The following ADGRD1 variants were observed in gnomAD, a reference collection of about 807,000 sequenced individuals.
ADGRD1 encodes G-protein coupled receptor 133.
Under a neutral mutation model 113.4 loss-of-function variants are expected in ADGRD1, and 77 were observed. The ratio of observed to expected loss-of-function variants is 0.68; its 90% CI spans 0.57 to 0.82. The LOEUF (loss-of-function observed/expected upper bound fraction) is 0.82, where lower values mean the gene tolerates loss of function less well. ADGRD1 is among the 40% of genes least tolerant of loss of function. ADGRD1 has a pLI of 0.00. For synonymous variants in ADGRD1, 474 were observed against 475.0 expected (o/e 1.00, Z 0.03); for missense variants, 1,036 against 1,139.1 (o/e 0.91, Z 1.30).
At chr12:130,999,322 G>A (rs530739390) in intron 8 of ADGRD1, among the ~76,000 whole-genome samples, 2 of 152,380 alleles carry the variant, frequency 1.3e-5, no homozygotes, top group South Asian at 4.1e-4. Flanking sequence ...CATGAGGCCT[G>A]ACCTCGTTCC....
chr12:131,015,395 CATGGGA>C (rs1259275104), intron 13 of ADGRD1, among the ~76,000 whole-genome samples: 2 of 144,332 alleles, frequency 1.4e-5, no homozygotes, highest in Non-Finnish European at 3.0e-5. Flanking sequence ...TTGAGATGGA[CATGGGA>C]ATGGAGATGG....
At chr12:130,974,210 C>A (rs1347316674) in intron 4 of ADGRD1, among the ~76,000 whole-genome samples, 1 of 152,110 alleles carries the variant, frequency 6.6e-6, no homozygotes, top group Non-Finnish European at 1.5e-5. Flanking sequence ...GAAAACAAGC[C>A]GTGAACAGGG....
chr12:131,071,461 T>C (rs1258313823), intron 13 of ADGRD1, among the ~76,000 whole-genome samples: 1 of 151,554 alleles, frequency 6.6e-6, no homozygotes, highest in African/African-American at 2.4e-5. Flanking sequence ...GTCATGTGAG[T>C]GGGAAGGGTA....
At chr12:131,086,427 C>T (rs1327709688) in intron 15 of ADGRD1, among the ~76,000 whole-genome samples, 3 of 152,200 alleles carry the variant, frequency 2.0e-5, no homozygotes, top group Non-Finnish European at 2.9e-5. Context: ...GACACAGTCA[C>T]GGATCCAGCG....
Position 131,050,812 on chromosome 12 carries a change from C to G in ADGRD1, c.1474-25989C>G, listed in dbSNP as rs996978576. ...CTCAGATCATCAGGCACTAGACTCT[C>G]ATGAGGAGCTTGAAACCTAGATACC... On this transcript the variant is annotated intron_variant, in intron 13 of 24. Coordinates refer to ENST00000261654, the MANE Select transcript of ADGRD1 (RefSeq NM_198827.5). The surrounding 1 kb of genome is among the most constrained non-coding windows in gnomAD (Gnocchi z 4.8). Among the ~76,000 whole-genome samples the G allele has an allele frequency of 6.6e-6, 1 of 152,138 alleles. No individual in the cohort carries two copies. Among genetic ancestry groups the G allele is most frequent in the Non-Finnish European group, 1.5e-5 (1 of 68,038 alleles).
chr12:131,070,166 G>A (rs901894800), intron 13 of ADGRD1: 1 of 152,458 alleles, frequency 6.6e-6, no homozygotes, highest in African/African-American at 2.4e-5. Context: ...GAGCCCTTCT[G>A]GGCCACATCT....
chr12:130,973,595 C>T (rs538798686), intron 4 of ADGRD1, among the ~76,000 whole-genome samples: 49 of 152,282 alleles, frequency 3.2e-4, no homozygotes, highest in Admixed American at 2.7e-3. Context: ...TGTTGAGCCC[C>T]GACTCTGCAC....
intron 21 of ADGRD1, 116 bp downstream of exon 21, chr12:131,131,932 A>G (rs906475503): frequency 9.9e-6 from 7 of 704,450 alleles, no homozygotes; most frequent in Non-Finnish European, 1.5e-5. Flanking sequence ...AAAGTCCTCC[A>G]CTTGCTCCGT....
chr12:130,985,696 C>A (rs539183748), intron 5 of ADGRD1, among the ~76,000 whole-genome samples: 1 of 152,002 alleles, frequency 6.6e-6, no homozygotes, highest in African/African-American at 2.4e-5. Flanking sequence ...GGATTACAGA[C>A]ACCTGCCACC....
intron 6 of ADGRD1, chr12:130,989,409 T>G (rs1043108946): frequency 3.3e-5 from 5 of 152,210 alleles, no homozygotes; most frequent in African/African-American, 1.2e-4. Flanking sequence ...CCTGGTGACC[T>G]GGTCTGAAGA....
At chr12:131,115,676 A>G (rs1950448201) in intron 18 of ADGRD1, among the ~76,000 whole-genome samples, 1 of 152,178 alleles carries the variant, frequency 6.6e-6, no homozygotes, top group Non-Finnish European at 1.5e-5. Flanking sequence ...AATGTCTCTG[A>G]TGACAGGGCC....
intron 13 of ADGRD1, chr12:131,028,036 A>T (rs1880174961): frequency 6.6e-6 from 1 of 152,134 alleles, no homozygotes; most frequent in Non-Finnish European, 1.5e-5. Context: ...CATGTTCAGC[A>T]TGAACAGCTG....
intron 13 of ADGRD1, among the ~76,000 whole-genome samples, chr12:131,019,127 T>A (rs1377932604): frequency 6.6e-6 from 1 of 152,208 alleles, no homozygotes; most frequent in Admixed American, 6.5e-5. Flanking sequence ...ATAATCCAGA[T>A]TCAGACCCTG....
intron 4 of ADGRD1, among the ~76,000 whole-genome samples, chr12:130,979,200 G>A (rs1284588603): frequency 6.6e-6 from 1 of 152,204 alleles, no homozygotes; most frequent in East Asian, 1.9e-4. Flanking sequence ...TCTTTCCCAG[G>A]AGCCCTAAGG....
In ADGRD1 at chr12:131,115,627, C is replaced by T. The variant is rs184895732; in HGVS notation, c.2042-2758C>T. 1.3e-3 allele frequency among the ~76,000 whole-genome samples: 202 copies of T among 152,308 alleles called. 1 individual carries two copies. Among genetic ancestry groups the T allele is most frequent in the Non-Finnish European group, 1.9e-3 (132 of 68,022 alleles). ...CAAGGACAGCACCGGTCTGGTCCCT[C>T]TGAAGGTCACCGTGTTGCAAAGAGG... On this transcript the variant is annotated intron_variant, in intron 18 of 24. Coordinates refer to ENST00000261654, the MANE Select transcript of ADGRD1 (RefSeq NM_198827.5).
At position 130,964,207 on chromosome 12, in the gene ADGRD1, T is replaced by TCCTCGGTTTG. The variant is rs1232038668; in HGVS notation, c.104-2256_104-2255insCCTCGGTTTG. On this transcript the variant is annotated intron_variant, in intron 2 of 24. Coordinates refer to ENST00000261654, the MANE Select transcript of ADGRD1 (RefSeq NM_198827.5). The stretch of plus-strand genomic sequence containing the variant: ...TCTGTAATATGTATTATATAATACA[T>TCCTCGGTTTG]ATTATATAATATGCACAGAAAACTT... Among the ~76,000 whole-genome samples the TCCTCGGTTTG allele has an allele frequency of 2.0e-3, 298 of 152,042 alleles. 1 individual carries two copies. The highest frequency in any genetic ancestry group is 6.9e-3 in the African/African-American group (287 of 41,492).
chr12:131,112,062 C>G (rs1007564224), intron 18 of ADGRD1, among the ~76,000 whole-genome samples: 1 of 152,112 alleles, frequency 6.6e-6, no homozygotes, highest in Non-Finnish European at 1.5e-5. Flanking sequence ...TGTAGCCACC[C>G]TTGATTCTGA....
chr12:131,026,343 G>C (rs574338699), intron 13 of ADGRD1: 3 of 151,876 alleles, frequency 2.0e-5, no homozygotes, highest in South Asian at 4.2e-4. Flanking sequence ...TAATGTCTGC[G>C]GGGGGGCGGG....
At chr12:130,997,665 T>C (rs964384951) in intron 8 of ADGRD1, among the ~76,000 whole-genome samples, 5 of 148,222 alleles carry the variant, frequency 3.4e-5, no homozygotes, top group Non-Finnish European at 7.4e-5. Context: ...GAAGAGGCGC[T>C]CCTCATTTCC....
Sources: allele counts gnomAD v4.1 joint callset (sites outside exome capture counted in the v4.1 genomes callset), GRCh38; gene constraint gnomAD v4.1.1; non-coding constraint Gnocchi (gnomAD v3.1); transcripts MANE v1.5; gene names NCBI Gene and HGNC (gene_info 2026-07-23, HGNC 2026-07-21).